The following DLGAP2 variants were observed in gnomAD, a reference collection of about 807,000 sequenced individuals.
The protein encoded by DLGAP2 is DLG associated protein 2.
In DLGAP2, 26 loss-of-function variants were observed where a neutral mutation model predicts 100.3. The ratio of observed to expected loss-of-function variants is 0.26; its 90% CI spans 0.19 to 0.36. The LOEUF (loss-of-function observed/expected upper bound fraction) is 0.36. DLGAP2 is among the 10% of genes least tolerant of loss of function. The pLI is 1.00. For synonymous variants in DLGAP2, 886 were observed against 630.1 expected (o/e 1.41, Z -6.08); for missense variants, 1,858 against 1,453.2 (o/e 1.28, Z -4.53).
intron 3 of DLGAP2, among the ~76,000 whole-genome samples, chr8:1,450,882 A>G (rs1268006200): frequency 6.6e-6 from 1 of 152,204 alleles, no homozygotes. Flanking sequence ...AGACACCGTA[A>G]TAAACAGTCC....
intron 2 of DLGAP2, among the ~76,000 whole-genome samples, chr8:1,142,872 T>C (rs1377442409): frequency 6.6e-6 from 1 of 152,004 alleles, no homozygotes; most frequent in Non-Finnish European, 1.5e-5. Context: ...GAGCAGCAGG[T>C]GGGCAGGGCA....
intron 2 of DLGAP2, among the ~76,000 whole-genome samples, chr8:1,079,214 T>A (rs1803720827): frequency 6.6e-6 from 1 of 152,222 alleles, no homozygotes. Flanking sequence ...GAGGTGTCTC[T>A]TCAGATCTTT....
intron 2 of DLGAP2, among the ~76,000 whole-genome samples, chr8:1,084,501 G>A (rs1585044419): frequency 6.6e-6 from 1 of 152,172 alleles, no homozygotes; most frequent in East Asian, 1.9e-4. Flanking sequence ...CCTGTCCGAG[G>A]CTTTGTACCC....
chr8:1,380,982 A>C (rs1169965153), intron 3 of DLGAP2: 3 of 150,812 alleles, frequency 2.0e-5, no homozygotes, highest in Non-Finnish European at 4.4e-5. Flanking sequence ...CCAAAAAGGA[A>C]AAAGGTTATT....
At chr8:1,504,320 T>A (rs1799827097) in intron 4 of DLGAP2, among the ~76,000 whole-genome samples, 2 of 152,222 alleles carry the variant, frequency 1.3e-5, no homozygotes, top group African/African-American at 4.8e-5. Flanking sequence ...AACGTGATGT[T>A]TTGATACAGG....
intron 2 of DLGAP2, among the ~76,000 whole-genome samples, chr8:1,159,680 A>G (rs1405239784): frequency 1.3e-5 from 2 of 152,234 alleles, no homozygotes; most frequent in African/African-American, 2.4e-5. Flanking sequence ...GTTATTTTAT[A>G]TACATTTTCA....
At chr8:1,541,256 A>G (rs1430195550) in intron 4 of DLGAP2, among the ~76,000 whole-genome samples, 1 of 152,130 alleles carries the variant, frequency 6.6e-6, no homozygotes, top group Non-Finnish European at 1.5e-5. Context: ...TATTCATTCC[A>G]TTATCAAACA....
At chr8:1,458,212 G>A (rs932194464) in intron 3 of DLGAP2, among the ~76,000 whole-genome samples, 3 of 151,758 alleles carry the variant, frequency 2.0e-5, no homozygotes, top group Non-Finnish European at 4.4e-5. Context: ...AGCCTCTGTT[G>A]TCTGATCTTA....
intron 2 of DLGAP2, among the ~76,000 whole-genome samples, chr8:1,102,716 C>T (rs1371752507): frequency 6.6e-6 from 1 of 152,126 alleles, no homozygotes; most frequent in African/African-American, 2.4e-5. Flanking sequence ...ATTTAGGCAC[C>T]TTTGCGTCTG....
intron 6 of DLGAP2, among the ~76,000 whole-genome samples, chr8:1,570,640 G>A (rs947760907): frequency 6.6e-6 from 1 of 152,142 alleles, no homozygotes; most frequent in Admixed American, 6.5e-5. Context: ...GAGGAGAGAA[G>A]GATGAAGAGA....
At chr8:1,663,470 C>A (rs564093086) in intron 8 of DLGAP2, among the ~76,000 whole-genome samples, 2 of 152,164 alleles carry the variant, frequency 1.3e-5, no homozygotes, top group Admixed American at 1.3e-4. Flanking sequence ...CGCAGAGCAC[C>A]CTCAGACAGA....
intron 3 of DLGAP2, among the ~76,000 whole-genome samples, chr8:1,366,905 C>A (rs759083855): frequency 6.6e-6 from 1 of 152,152 alleles, no homozygotes; most frequent in East Asian, 1.9e-4. Context: ...AACACACATG[C>A]ATGTGACCAC....
chr8:1,697,677 C>T (rs1306028017), intron 14 of DLGAP2, among the ~76,000 whole-genome samples: 4 of 152,222 alleles, frequency 2.6e-5, no homozygotes, highest in African/African-American at 9.6e-5. Flanking sequence ...AAATATTAAG[C>T]TGGCTTCCCA....
intron 2 of DLGAP2, among the ~76,000 whole-genome samples, chr8:1,048,171 A>C (rs1481013215): frequency 6.6e-6 from 1 of 152,168 alleles, no homozygotes; most frequent in Non-Finnish European, 1.5e-5. Context: ...ACTGGATAGA[A>C]CTGGCCTGCA....
chr8:1,646,901 G>A (rs952164281), intron 8 of DLGAP2, among the ~76,000 whole-genome samples: 8 of 152,210 alleles, frequency 5.3e-5, no homozygotes, highest in African/African-American at 9.6e-5. Context: ...TCTAATCAGC[G>A]TCTGTCACCA....
intron 2 of DLGAP2, among the ~76,000 whole-genome samples, chr8:1,186,961 TC>T (rs1186893473): frequency 6.6e-6 from 1 of 152,190 alleles, no homozygotes; most frequent in African/African-American, 2.4e-5. Context: ...AGCCTTGTTT[TC>T]CACATGTTTC....
chr8:1,258,720 T>C, intron 2 of DLGAP2, 131 bp from the exon 3 acceptor site: 8 of 699,866 alleles, frequency 1.1e-5, no homozygotes, highest in Non-Finnish European at 1.4e-5. Context: ...TATGGAAGGG[T>C]CCACTGGCTC....
chr8:1,122,447 C>T (rs1487277147), intron 2 of DLGAP2, among the ~76,000 whole-genome samples: 1 of 152,182 alleles, frequency 6.6e-6, no homozygotes, highest in Non-Finnish European at 1.5e-5. Flanking sequence ...TTACTGCCAT[C>T]CAGAGCTGAG....
At chr8:1,062,211 G>A (rs930149952) in intron 2 of DLGAP2, among the ~76,000 whole-genome samples, 30 of 152,062 alleles carry the variant, frequency 2.0e-4, no homozygotes, top group Non-Finnish European at 4.1e-4. Flanking sequence ...ACATGGAGTC[G>A]ACTCCAGATC....
Sources: gnomAD v4.1 joint callset for allele counts (sites outside exome capture counted in the v4.1 genomes callset) on GRCh38, gnomAD v4.1.1 for gene constraint, MANE v1.5 for transcripts, NCBI Gene and HGNC (gene_info 2026-07-23, HGNC 2026-07-21) for gene names.